The following PCDH15 variants were observed in gnomAD, a reference collection of about 807,000 sequenced individuals.
PCDH15 encodes the protein protocadherin-15.
Under a neutral mutation model 178.5 loss-of-function variants are expected in PCDH15, and 129 were observed. That is an observed-to-expected ratio of 0.72 (90% CI 0.63 to 0.84). The LOEUF is 0.84. Among genes scored for constraint, PCDH15 ranks in the 40% least tolerant of loss-of-function variants. The pLI, the probability that PCDH15 is intolerant of heterozygous loss-of-function variation, is 0.00. For missense variants in PCDH15, 2,230 were observed against 2,099.9 expected, an observed-to-expected ratio of 1.06 and a Z score of -1.21; for synonymous variants, 800 against 732.0, an observed-to-expected ratio of 1.09 and a Z score of -1.50.
At chr10:55,426,894 A>G (rs1838770961) in intron 2 of PCDH15, among the ~76,000 whole-genome samples, 1 of 152,052 alleles carries the variant, frequency 6.6e-6, no homozygotes, top group Admixed American at 6.6e-5. Flanking sequence ...CTTCTCTCCA[A>G]TGTCATCCAA....
Position 54,138,872 on chromosome 10 carries a change from G to A in PCDH15, c.1785-5865C>T, listed in dbSNP as rs543426964. On this transcript the variant is annotated intron_variant, in intron 14 of 37. Transcript: ENST00000644397. ...TGGATCTTTATGTGTGTTTATATGC[G>A]TCTTAATGGTTTATGTATGTTCATG... is the stretch of plus-strand genomic sequence containing the variant. Among the ~76,000 whole-genome samples, 119 of 152,022 alleles carry A rather than the reference G, an allele frequency of 7.8e-4. 1 individual carries two copies. Among genetic ancestry groups the A allele is most frequent in the Admixed American group, 4.1e-3 (63 of 15,248 alleles).
intron 4 of PCDH15, among the ~76,000 whole-genome samples, chr10:54,373,133 C>A (rs903199940): frequency 6.6e-6 from 1 of 151,824 alleles, no homozygotes; most frequent in African/African-American, 2.4e-5. Flanking sequence ...GATTATAGCA[C>A]AAATCTTCAA....
In PCDH15 at chr10:54,018,233, C is replaced by G. The variant is rs10458644; in HGVS notation, c.2751+1959G>C. Among the ~76,000 whole-genome samples the G allele has an allele frequency of 2.6e-4, 39 of 152,190 alleles. No individual in the cohort carries two copies. In the East Asian group the frequency reaches 6.8e-3, roughly 26 times the overall value. On this transcript the variant is annotated intron_variant, in intron 20 of 37. Transcript: ENST00000644397. ...GACATTTGTGTTGCACATGCAGAAT[C>G]TGAATGATCTCACATAATAGCTTTG...
rs147872518 is a variant in PCDH15 at position 55,204,270 on chromosome 10, A to C, written c.-155-37619T>G. Reference sequence around the variant, plus strand: ...TTTAAATATTTAATATATTGAAGGAAGTGTTTAATGTATTGAATTTTATGT... The same window carrying C: ...TTTAAATATTTAATATATTGAAGGACGTGTTTAATGTATTGAATTTTATGT... On this transcript the variant is annotated intron_variant, in intron 1 of 5. Transcript: ENST00000458638. Among the ~76,000 whole-genome samples, 424 of 150,166 alleles carry C rather than the reference A, an allele frequency of 2.8e-3. 7 individuals are homozygous for C. The highest frequency in any genetic ancestry group is 9.6e-3 in the African/African-American group (394 of 41,064).
At chr10:54,444,216 A>C (rs1034965937) in intron 3 of PCDH15, among the ~76,000 whole-genome samples, 24 of 151,822 alleles carry the variant, frequency 1.6e-4, no homozygotes, top group East Asian at 3.9e-4. Flanking sequence ...ATGTATAGAG[A>C]GTATAAACAA....
chr10:54,838,181 G>A (rs1252130603), intron 3 of PCDH15, among the ~76,000 whole-genome samples: 1 of 152,004 alleles, frequency 6.6e-6, no homozygotes, highest in African/African-American at 2.4e-5. Context: ...GATCAGTCCT[G>A]TCCACCTAGT....
chr10:53,835,839 C>G (rs2077273670), intron 29 of PCDH15, among the ~76,000 whole-genome samples: 1 of 152,168 alleles, frequency 6.6e-6, no homozygotes, highest in African/African-American at 2.4e-5. Context: ...GGAGTCTCCC[C>G]TCATTTGAAA....
In PCDH15 at chr10:53,821,879, G is replaced by A. The variant is rs778841983; in HGVS notation, c.4368-1649C>T. ...AACATTACAGTGAAGTAGATTGACTGTGAGATTGTTTTTCAGTTCCCTCGA... is the reference window on the plus strand; with the variant it reads ...AACATTACAGTGAAGTAGATTGACTATGAGATTGTTTTTCAGTTCCCTCGA... On this transcript the variant is annotated intron_variant, in intron 32 of 37. Transcript: ENST00000644397. 6.2e-7 allele frequency: 1 copy of A among 1,613,378 alleles called. No homozygotes were observed. The highest frequency in any genetic ancestry group is 8.5e-7 in the Non-Finnish European group (1 of 1,179,706).
intron 2 of PCDH15, among the ~76,000 whole-genome samples, chr10:54,605,214 T>C (rs552045269): frequency 2.0e-5 from 3 of 152,060 alleles, no homozygotes; most frequent in African/African-American, 7.2e-5. Flanking sequence ...TTTGCCTCTA[T>C]AAATTTACCA....
At position 55,274,108 on chromosome 10, in the gene PCDH15, T is replaced by C. The variant is rs555930896; in HGVS notation, c.-156+45491A>G. Among the ~76,000 whole-genome samples the C allele has an allele frequency of 3.9e-5, 6 of 152,252 alleles. 1 individual carries two copies. The highest frequency in any genetic ancestry group is 3.3e-4 in the Admixed American group (5 of 15,296). On this transcript the variant is annotated intron_variant, in intron 1 of 5. Coordinates refer to the PCDH15 transcript ENST00000458638. ...AAACTCCCAAGAACATTTGTTCTAG[T>C]TGGTTTGTATACTGAGCCAAAACTT...
At chr10:55,584,299 C>T (rs1025737564) in intron 2 of PCDH15, among the ~76,000 whole-genome samples, 13 of 151,552 alleles carry the variant, frequency 8.6e-5, no homozygotes, top group Admixed American at 5.3e-4. Flanking sequence ...ATCACATAAG[C>T]CTAAATAGTA....
Position 55,427,728 on chromosome 10 carries a change from T to A in PCDH15, c.-156+199897A>T, listed in dbSNP as rs149396583. ...TTTTAATACTTTAGATTTATACCTC[T>A]ATAATCTTATTCTGTCCAAATTCAT... On this transcript the variant is annotated intron_variant, in intron 2 of 5. Coordinates refer to the PCDH15 transcript ENST00000613346. Among the ~76,000 whole-genome samples, 695 of 152,326 alleles carry A rather than the reference T, an allele frequency of 4.6e-3. 4 individuals are homozygous for A. Among genetic ancestry groups the A allele is most frequent in the African/African-American group, 0.016 (665 of 41,576 alleles).
chr10:54,431,929 T>C (rs1248191936), intron 3 of PCDH15, among the ~76,000 whole-genome samples: 2 of 151,756 alleles, frequency 1.3e-5, no homozygotes, highest in African/African-American at 2.4e-5. Context: ...AAAATCAATA[T>C]AAAAATAAAA....
intron 3 of PCDH15, among the ~76,000 whole-genome samples, chr10:54,847,861 A>G (rs1027871723): frequency 2.0e-5 from 3 of 152,162 alleles, no homozygotes; most frequent in African/African-American, 7.2e-5. Context: ...ACATTGCTCA[A>G]ACTGAGGACT....
In PCDH15 at chr10:55,194,815, T is replaced by C. The variant is rs143859113; in HGVS notation, c.-155-28164A>G. 6.3e-3 allele frequency among the ~76,000 whole-genome samples: 953 copies of C among 151,922 alleles called. 16 individuals carry two copies. Among genetic ancestry groups the C allele is most frequent in the South Asian group, 0.02 (95 of 4,802 alleles). ...ATGAATGAGAAGCACTACTGTAATT[T>C]AGAAGTAAAAAAAAAAAATCAATTA... On this transcript the variant is annotated intron_variant, in intron 1 of 5. Coordinates refer to the PCDH15 transcript ENST00000458638.
chr10:55,488,182 T>C (rs1315758020), intron 2 of PCDH15, among the ~76,000 whole-genome samples: 1 of 151,636 alleles, frequency 6.6e-6, no homozygotes, highest in Non-Finnish European at 1.5e-5. Context: ...GTATTAAGTG[T>C]ATATTTTCTT....
intron 1 of PCDH15, among the ~76,000 whole-genome samples, chr10:54,672,009 T>C (rs533073379): frequency 6.6e-6 from 1 of 152,220 alleles, no homozygotes; most frequent in South Asian, 2.1e-4. Context: ...AGCAGCAGCA[T>C]TGGATTCTCA....
rs564655806 is a variant in PCDH15, at chr10:53,939,026, A to G, written c.3233-71T>C. The G allele has an allele frequency of 6.8e-5, 102 of 1,498,218 alleles. 1 individual carries two copies. The African/African-American group carries it at 1.3e-3, about 19-fold the overall frequency. The allele number at this position is 1,498,218 out of a possible 1,614,324, so 92.8% of individuals were successfully genotyped here. A position where few individuals can be genotyped will look rare whatever the true frequency, so the allele number is the denominator to read the frequency against. ...AGGAAAGAAATTCTCTTTAAAAGGC[A>G]CTGTGATTTCAAAAACACTAAAAAT... On this transcript the variant is annotated intron_variant, in intron 24 of 37. Coordinates refer to ENST00000644397, the MANE Select transcript of PCDH15 (RefSeq NM_001384140.1).
intron 3 of PCDH15, among the ~76,000 whole-genome samples, chr10:54,387,435 C>A (rs1438554847): frequency 1.3e-5 from 2 of 152,102 alleles, no homozygotes; most frequent in Non-Finnish European, 2.9e-5. Flanking sequence ...CAACATGGAT[C>A]AACAGTGAGG....
Sources: gnomAD v4.1 joint callset for allele counts (sites outside exome capture counted in the v4.1 genomes callset) on GRCh38, gnomAD v4.1.1 for gene constraint, MANE v1.5 for transcripts, NCBI Gene and HGNC (gene_info 2026-07-23, HGNC 2026-07-21) for gene names.